The following TRAF3IP2 variants were observed in gnomAD, a reference collection of about 807,000 sequenced individuals.
The protein encoded by TRAF3IP2 is TRAF3 interacting protein 2, also known as E3 ubiquitin ligase TRAF3IP2.
TRAF3IP2 carries 35 observed loss-of-function variants against 57.9 expected under a neutral mutation model. The ratio of observed to expected loss-of-function variants is 0.60; its 90% CI spans 0.46 to 0.80. TRAF3IP2 has a LOEUF of 0.80. Among genes scored for constraint, TRAF3IP2 ranks in the 30% least tolerant of loss-of-function variants. TRAF3IP2 has a pLI of 0.00. For missense variants in TRAF3IP2, 556 were observed against 706.4 expected, an observed-to-expected ratio of 0.79 and a Z score of 2.41; for synonymous variants, 251 against 268.9, an observed-to-expected ratio of 0.93 and a Z score of 0.65.
intron 3 of TRAF3IP2, among the ~76,000 whole-genome samples, chr6:111,579,845 G>A (rs1796102839): frequency 6.6e-6 from 1 of 152,174 alleles, no homozygotes; most frequent in Admixed American, 6.5e-5. Context: ...ATAAAGAGTT[G>A]GCTAACAGTG....
chr6:111,595,893 A>T (rs1244652179), intron 1 of TRAF3IP2, among the ~76,000 whole-genome samples: 2 of 152,194 alleles, frequency 1.3e-5, no homozygotes, highest in African/African-American at 2.4e-5. Context: ...AGACACAGAA[A>T]ACATTCTTCC....
chr6:111,572,710 G>C, intron 5 of TRAF3IP2, 185 bp downstream of exon 5: 1 of 600,014 alleles, frequency 1.7e-6, no homozygotes, highest in African/African-American at 1.9e-5. Flanking sequence ...AAAAATGCTG[G>C]AGACTTCAGA....
At chr6:111,567,410 G>T in intron 6 of TRAF3IP2, 1 of 1,302,474 alleles carries the variant, frequency 7.7e-7, no homozygotes, top group Non-Finnish European at 9.7e-7. Context: ...CCTGTGTCTG[G>T]TTTGACCGTT....
At position 111,592,972 on chromosome 6, in the gene TRAF3IP2, C is replaced by T. The variant is rs146449031; in HGVS notation, c.-8-878G>A. On this transcript the variant is annotated intron_variant, in intron 1 of 8. Transcript: ENST00000368761. ...CTTAGCCTGCAGAGCATTTATCCAA[C>T]GGGCCGGGCAATATTGCTTTTAGCT... Among the ~76,000 whole-genome samples, 21 of 152,290 alleles carry T rather than the reference C, an allele frequency of 1.4e-4. No individual in the cohort carries two copies. In the East Asian group the frequency reaches 1.7e-3, roughly 13 times the overall value.
intron 5 of TRAF3IP2, among the ~76,000 whole-genome samples, chr6:111,569,497 A>T (rs1795760538): frequency 6.6e-6 from 1 of 152,204 alleles, no homozygotes; most frequent in African/African-American, 2.4e-5. Context: ...CACGCCTGTA[A>T]TCCCAGCACT....
Position 111,580,371 on chromosome 6 carries a change from C to A in TRAF3IP2, c.848G>T (p.Arg283Leu). ...CTGGATCACTTGCTGGTAGGCTGCTCGAGGGTAGTCATGGCCATCTGTAGG... is the reference window on the plus strand; with the variant it reads ...CTGGATCACTTGCTGGTAGGCTGCTAGAGGGTAGTCATGGCCATCTGTAGG... Reference protein sequence around the residue: ...HQVPYGHDYPRAAYQQVIQPA... With the variant: ...HQVPYGHDYPLAAYQQVIQPA... The change falls in exon 3 of 9, where the codon CGA (arginine) becomes CTA (leucine). Residue 283 changes from arginine (R) to leucine (L), a missense_variant. Physicochemically the swap from Arg to Leu is moderately radical, Grantham distance 102 (BLOSUM62 -2). Around this residue, in one of 2 missense-constraint regions of TRAF3IP2, gnomAD observed 428 missense variants for 498.7 expected, o/e 0.86. Transcript: ENST00000368761. The A allele has an allele frequency of 6.4e-7, 1 of 1,561,674 alleles. No homozygotes were observed. The highest frequency in any genetic ancestry group is 8.6e-7 in the Non-Finnish European group (1 of 1,159,098).
At chr6:111,566,407 G>A in intron 7 of TRAF3IP2, 37 bp downstream of exon 7, 1 of 1,511,482 alleles carries the variant, frequency 6.6e-7, no homozygotes, top group Non-Finnish European at 9.2e-7. Context: ...TCCATCCCCA[G>A]GGGACAGTGA....
rs146668280 is a variant in TRAF3IP2, at chr6:111,556,213, C to CGTGTGT, written c.*3186_*3191dup. Among the ~76,000 whole-genome samples, 2 of 149,580 alleles carry CGTGTGT rather than the reference C, an allele frequency of 1.3e-5. No homozygotes were observed. The highest frequency in any genetic ancestry group is 2.1e-4 in the South Asian group (1 of 4,708). On this transcript the variant is annotated 3_prime_UTR_variant, in exon 9 of 9. Coordinates refer to ENST00000368761, the MANE Select transcript of TRAF3IP2 (RefSeq NM_147686.4). The stretch of plus-strand genomic sequence containing the variant: ...AAGTGCGTGTGTGTGTGTATGTGTG[C>CGTGTGT]GTGTGTGTGTGTGTGTCTGTGTGTA...
chr6:111,566,617 C>T (rs1026538768), intron 6 of TRAF3IP2, 57 bp from the exon 7 acceptor site: 14 of 1,441,460 alleles, frequency 9.7e-6, no homozygotes, highest in Non-Finnish European at 1.3e-5. Flanking sequence ...GGACTGTGGG[C>T]ATTCTCTGAC....
chr6:111,594,239 C>T (rs781673899), intron 1 of TRAF3IP2, among the ~76,000 whole-genome samples: 1 of 151,408 alleles, frequency 6.6e-6, no homozygotes, highest in Non-Finnish European at 1.5e-5. Flanking sequence ...GGTCAGAAAA[C>T]GAAAATATTT....
At chr6:111,584,788 G>A (rs544218886) in intron 2 of TRAF3IP2, among the ~76,000 whole-genome samples, 129 of 152,258 alleles carry the variant, frequency 8.5e-4, no homozygotes, top group Non-Finnish European at 1.4e-3. Context: ...TACTATACAT[G>A]TAAAATAATG....
At position 111,575,786 on chromosome 6, in the gene TRAF3IP2, C is replaced by G. The variant is rs148619849; in HGVS notation, c.1058G>C (p.Gly353Ala). The G allele has an allele frequency of 6.2e-7, 1 of 1,609,504 alleles. No homozygotes were observed. Among genetic ancestry groups the G allele is most frequent in the Non-Finnish European group, 8.5e-7 (1 of 1,178,602 alleles). Residue 353 changes from glycine (G) to alanine (A), a missense_variant, in exon 4 of 9, where the codon GGT becomes GCT. By Grantham distance (60) the Gly-to-Ala change is moderately conservative. Transcript: ENST00000368761. ...GCACTCCAAGGACTCCCCAGGAGCA[C>G]CAGCTCTATTAGGTGGCTGGTGATG... ...QPHHQPPNRAGAPGESLECPA... is the reference protein window; with the variant it reads ...QPHHQPPNRAAAPGESLECPA...
At chr6:111,580,058 T>C (rs962567907) in intron 3 of TRAF3IP2, 139 bp downstream of exon 3, 1 of 960,330 alleles carries the variant, frequency 1.0e-6, no homozygotes, top group African/African-American at 1.7e-5. Flanking sequence ...CTGAAAAGTC[T>C]ATATTGGGCA....
chr6:111,558,376 T>C lies in TRAF3IP2; in HGVS notation c.*1029A>G, dbSNP rs11153297. The C allele has an allele frequency of 0.4, 60,439 of 152,212 alleles. 14,294 individuals carry two copies. The highest frequency in any genetic ancestry group is 0.52 in the Non-Finnish European group (35,265 of 67,998). 9.4% of individuals were successfully genotyped at this position (152,212 alleles called of 1,614,324 possible). A position where few individuals can be genotyped will look rare whatever the true frequency, so the allele number is the denominator to read the frequency against. ...GATCCTGAGAACCATAATCATACTA[T>C]TTAGAATCATGGCTGTATGCTATAT... On this transcript the variant is annotated 3_prime_UTR_variant, in exon 9 of 9. Transcript: ENST00000368761.
At position 111,591,062 on chromosome 6, in the gene TRAF3IP2, T is replaced by C. The variant is rs1430443378; in HGVS notation, c.829+196A>G. ...GAAGGAGACTCCAAGTGGGACAGGC[T>C]TTAGGCTAAGAAAAAGCATTCTCTG... On this transcript the variant is annotated intron_variant, in intron 2 of 8. Transcript: ENST00000368761. This position sits in a 1 kb window ranked among gnomAD's most constrained non-coding sequence, Gnocchi z 4.9. Among the ~76,000 whole-genome samples the C allele has an allele frequency of 1.3e-5, 2 of 152,170 alleles. No individual in the cohort carries two copies. The highest frequency in any genetic ancestry group is 2.9e-5 in the Non-Finnish European group (2 of 68,026).
Position 111,580,265 on chromosome 6 carries a change from G to A in TRAF3IP2, c.954C>T (p.Pro318=). 6.2e-7 allele frequency: 1 copy of A among 1,613,038 alleles called. No individual in the cohort carries two copies. The highest frequency in any genetic ancestry group is 1.1e-5 in the South Asian group (1 of 91,054). The part of the protein sequence containing the change: ...HPVQKVILNY[P]SPWDHEERPA... ...GCCTCTCTTCGTGGTCCCAGGGGCT[G>A]GGATAATTCAGGATAACCTTCTGCA... Residue 318 remains proline, a synonymous_variant, in exon 3 of 9, where the codon CCC becomes CCT. Transcript: ENST00000368761.
rs754320332 is a variant in TRAF3IP2 at position 111,563,050 on chromosome 6, A to T, written c.1477-11T>A. On this transcript the variant is annotated splice_polypyrimidine_tract_variant and intron_variant, in intron 7 of 8. Coordinates refer to ENST00000368761, the MANE Select transcript of TRAF3IP2 (RefSeq NM_147686.4). ...GAACTCAATCTGCATCTGAAACCAA[A>T]CAAATGTGAAGGTTTAATTTCAGGA... The T allele has an allele frequency of 6.2e-7, 1 of 1,602,120 alleles. No individual in the cohort carries two copies. Among genetic ancestry groups the T allele is most frequent in the Non-Finnish European group, 8.5e-7 (1 of 1,170,472 alleles).
intron 1 of TRAF3IP2, among the ~76,000 whole-genome samples, chr6:111,595,597 A>T (rs1346084806): frequency 6.6e-6 from 1 of 152,142 alleles, no homozygotes; most frequent in Admixed American, 6.5e-5. Flanking sequence ...TGGGAGGCCA[A>T]GGCGGGCAGA....
intron 1 of TRAF3IP2, among the ~76,000 whole-genome samples, chr6:111,592,645 G>A (rs1341087256): frequency 6.6e-6 from 1 of 152,148 alleles, no homozygotes; most frequent in Non-Finnish European, 1.5e-5. Flanking sequence ...TACACTGGTT[G>A]CCTTTGAGGA....
Sources: gnomAD v4.1 joint callset for allele counts (sites outside exome capture counted in the v4.1 genomes callset) on GRCh38, gnomAD v4.1.1 for gene constraint, gnomAD v4.1.1 regional missense constraint, Gnocchi (gnomAD v3.1) non-coding constraint, MANE v1.5 for transcripts, NCBI Gene and HGNC (gene_info 2026-07-23, HGNC 2026-07-21) for gene names.